DISC1: variants seen among roughly 807,000 people sequenced by gnomAD.
DISC1 encodes DISC1 scaffold protein.
Under a neutral mutation model 84.5 loss-of-function variants are expected in DISC1, and 57 were observed. The observed-to-expected ratio is 0.67, with a 90% confidence interval of 0.55 to 0.84. DISC1 has a LOEUF of 0.84. DISC1 is among the 40% of genes least tolerant of loss of function. The probability of loss-of-function intolerance (pLI) is 0.00; values close to 1 mark genes in which losing one functional copy is unlikely to be tolerated. For synonymous variants in DISC1, 411 were observed against 415.2 expected, an observed-to-expected ratio of 0.99 and a Z score of 0.12; for missense variants, 1,000 against 1,057.8, an observed-to-expected ratio of 0.95 and a Z score of 0.76.
chr1:231,964,592 A>C, intron 10 of DISC1, among the ~76,000 whole-genome samples: 1 of 152,224 alleles, frequency 6.6e-6, no homozygotes, highest in Middle Eastern at 3.2e-3. Flanking sequence ...CCCACTTCAG[A>C]ACAGGAGGCC....
At chr1:231,634,801 C>T (rs2059052094) in intron 1 of DISC1, among the ~76,000 whole-genome samples, 1 of 152,094 alleles carries the variant, frequency 6.6e-6, no homozygotes, top group African/African-American at 2.4e-5. Flanking sequence ...GTCCCAGCTC[C>T]TTGGAAGGCT....
At chr1:231,711,360 T>TC (rs1295540843) in intron 3 of DISC1, among the ~76,000 whole-genome samples, 1 of 145,432 alleles carries the variant, frequency 6.9e-6, no homozygotes, top group Non-Finnish European at 1.5e-5. Context: ...CATATTTCTT[T>TC]TTTTTTTTTT....
chr1:231,858,774 G>A (rs1400818570), intron 9 of DISC1, among the ~76,000 whole-genome samples: 2 of 152,020 alleles, frequency 1.3e-5, no homozygotes, highest in African/African-American at 2.4e-5. Flanking sequence ...CCTGCTTCTG[G>A]CCTTCTTAGT....
At chr1:231,890,375 C>G (rs564971435) in intron 9 of DISC1, among the ~76,000 whole-genome samples, 1 of 152,068 alleles carries the variant, frequency 6.6e-6, no homozygotes, top group East Asian at 1.9e-4. Flanking sequence ...CAGTATTGAT[C>G]GAGCACAAAT....
At chr1:231,877,564 G>C (rs1261388234) in intron 9 of DISC1, among the ~76,000 whole-genome samples, 1 of 152,174 alleles carries the variant, frequency 6.6e-6, no homozygotes, top group African/African-American at 2.4e-5. Flanking sequence ...CCTATTTCTG[G>C]TTCTTACTAA....
In DISC1 at chr1:231,694,462, C is replaced by T; in HGVS notation, c.704C>T (p.Ala235Val). The T allele has an allele frequency of 6.2e-7, 1 of 1,614,290 alleles. No individual in the cohort carries two copies. The highest frequency in any genetic ancestry group is 8.5e-7 in the Non-Finnish European group (1 of 1,180,056). ...GAAGGCTGCCCACCATCCAGAGAGG[C>T]TGAGTCCCATTGCCAGAGCCCCCAG... is the stretch of plus-strand genomic sequence containing the variant. ...EAEGCPPSRE[A>V]ESHCQSPQEM... The change falls in exon 2 of 13, where the codon GCT becomes GTT. Residue 235 changes from alanine (A) to valine (V), a missense_variant. Transcript: ENST00000439617.
intron 10 of DISC1, among the ~76,000 whole-genome samples, chr1:231,983,791 T>C (rs1040406474): frequency 2.0e-5 from 3 of 152,138 alleles, no homozygotes; most frequent in Admixed American, 1.3e-4. Context: ...AATGTACATT[T>C]GGAGCTGAGA....
At chr1:231,631,180 G>T (rs2125086475) in intron 1 of DISC1, among the ~76,000 whole-genome samples, 1 of 152,324 alleles carries the variant, frequency 6.6e-6, no homozygotes, top group African/African-American at 2.4e-5. Context: ...CAGGTAAGAT[G>T]TCGGCATCCT....
Position 231,913,828 on chromosome 1 carries a change from T to G in DISC1, c.1982-45000T>G, listed in dbSNP as rs183781378. 9.9e-5 allele frequency among the ~76,000 whole-genome samples: 15 copies of G among 152,278 alleles called. No individual in the cohort carries two copies. The East Asian group carries it at 2.9e-3, about 29-fold the overall frequency. ...TTTGCCAACATGCAAGAAACCAGAT[T>G]TCCAGCCAGCAACATTATTGTCCAC... On this transcript the variant is annotated intron_variant, in intron 9 of 12. Transcript: ENST00000439617.
At chr1:231,789,856 A>G (rs756230437) in intron 6 of DISC1, among the ~76,000 whole-genome samples, 7 of 152,112 alleles carry the variant, frequency 4.6e-5, no homozygotes, top group Non-Finnish European at 1.0e-4. Context: ...TGTTTGTGAT[A>G]TTGCAAGAGT....
intron 10 of DISC1, among the ~76,000 whole-genome samples, chr1:232,004,217 G>T (rs529556815): frequency 2.3e-4 from 35 of 151,752 alleles, no homozygotes; most frequent in African/African-American, 8.2e-4. Flanking sequence ...TGGGGAAAAT[G>T]GAAATATAAG....
chr1:231,713,698 TAGGAG>T (rs1481820048), intron 3 of DISC1, among the ~76,000 whole-genome samples: 22 of 108,376 alleles, frequency 2.0e-4, no homozygotes, highest in African/African-American at 8.4e-4. Context: ...TATATATATA[TAGGAG>T]ATATATATAT....
chr1:231,973,602 C>T (rs770908320), intron 10 of DISC1, among the ~76,000 whole-genome samples: 9 of 152,156 alleles, frequency 5.9e-5, no homozygotes, highest in African/African-American at 1.9e-4. Flanking sequence ...AACAACCCAC[C>T]GAAGCATCAG....
At chr1:231,922,807 C>T (rs1044968201) in intron 9 of DISC1, among the ~76,000 whole-genome samples, 1 of 152,162 alleles carries the variant, frequency 6.6e-6, no homozygotes, top group Non-Finnish European at 1.5e-5. Flanking sequence ...GAAGGATGCT[C>T]TCCAGCAGGC....
intron 9 of DISC1, among the ~76,000 whole-genome samples, chr1:231,819,653 T>A (rs959386449): frequency 6.6e-6 from 1 of 152,180 alleles, no homozygotes; most frequent in African/African-American, 2.4e-5. Context: ...ATAACTGTAG[T>A]ACTAGGGAAT....
At chr1:231,960,088 G>A (rs1219809929) in intron 10 of DISC1, among the ~76,000 whole-genome samples, 1 of 152,130 alleles carries the variant, frequency 6.6e-6, no homozygotes, top group Admixed American at 6.5e-5. Context: ...CCTTAGGTAA[G>A]TGCTCACTTT....
rs184552005 is a variant in DISC1 at position 231,886,756 on chromosome 1, T to C, written c.1981+68239T>C. ...GACTTTCTTTCTCTTTCTTCCTTTC[T>C]TCCTTCCTTCCTTTCTTTCTTTCTT... On this transcript the variant is annotated intron_variant, in intron 9 of 12. Coordinates refer to ENST00000439617, the MANE Select transcript of DISC1 (RefSeq NM_018662.3). 4.3e-4 allele frequency among the ~76,000 whole-genome samples: 42 copies of C among 97,590 alleles called. No homozygotes were observed. In the South Asian group the frequency reaches 0.011, roughly 26 times the overall value. The allele number at this position is 97,590 out of a possible 152,430, so 64.0% of individuals were successfully genotyped here.
At chr1:231,662,894 G>C (rs1031353788) in intron 1 of DISC1, among the ~76,000 whole-genome samples, 2 of 152,146 alleles carry the variant, frequency 1.3e-5, no homozygotes, top group Non-Finnish European at 2.9e-5. Flanking sequence ...TGGAGAAAAT[G>C]AGGGTCAAAA....
At chr1:232,010,794 G>A (rs1667955565) in intron 11 of DISC1, among the ~76,000 whole-genome samples, 1 of 152,168 alleles carries the variant, frequency 6.6e-6, no homozygotes, top group African/African-American at 2.4e-5. Flanking sequence ...ACTGGGGGGA[G>A]CTTAGCAAGG....
Sources: gnomAD v4.1 joint callset for allele counts (sites outside exome capture counted in the v4.1 genomes callset) on GRCh38, gnomAD v4.1.1 for gene constraint, MANE v1.5 for transcripts, NCBI Gene and HGNC (gene_info 2026-07-23, HGNC 2026-07-21) for gene names.